The following HECW2 variants were observed in gnomAD, a reference collection of about 807,000 sequenced individuals.
HECW2 encodes the protein E3 ubiquitin-protein ligase HECW2.
In HECW2, 61 loss-of-function variants were observed where a neutral mutation model predicts 175.2. That is an observed-to-expected ratio of 0.35 (90% CI 0.28 to 0.43). HECW2 has a LOEUF of 0.43. Among genes scored for constraint, HECW2 ranks in the 20% least tolerant of loss-of-function variants. HECW2 has a pLI of 1.00. For synonymous variants in HECW2, 671 were observed against 731.0 expected (o/e 0.92, Z 1.32); for missense variants, 1,524 against 2,000.5 (o/e 0.76, Z 4.54).
At position 196,343,718 on chromosome 2, in the gene HECW2, C is replaced by T. The variant is rs1322279223; in HGVS notation, c.339G>A (p.Val113=). 1 of 1,613,900 alleles carries T rather than the reference C, an allele frequency of 6.2e-7. No homozygotes were observed. Among genetic ancestry groups the T allele is most frequent in the South Asian group, 1.1e-5 (1 of 91,074 alleles). The stretch of plus-strand genomic sequence containing the variant: ...CAATTTGCCCTTTTTGTGTTCCAGT[C>T]ACACCCCTGTTCTTAGAATCCCAGA... ...ANFWDSKNRG[V]TGTQKGQIVW... is the part of the protein sequence containing the mutation. Residue 113 remains valine, a synonymous_variant, in exon 3 of 29, where the codon GTG becomes GTA. Coordinates refer to ENST00000644978, the MANE Select transcript of HECW2 (RefSeq NM_001348768.2).
intron 28 of HECW2, among the ~76,000 whole-genome samples, chr2:196,202,091 C>G (rs990446937): frequency 6.6e-6 from 1 of 152,032 alleles, no homozygotes; most frequent in Non-Finnish European, 1.5e-5. Flanking sequence ...ATCTGAATCA[C>G]AATAAAAAAT....
At chr2:196,215,365 T>A (rs1687438838) in intron 28 of HECW2, among the ~76,000 whole-genome samples, 1 of 152,246 alleles carries the variant, frequency 6.6e-6, no homozygotes. Flanking sequence ...AGCATTTTTT[T>A]TCTATTCTAA....
intron 28 of HECW2, among the ~76,000 whole-genome samples, chr2:196,202,623 TCAA>T (rs1038753214): frequency 6.6e-6 from 1 of 152,182 alleles, no homozygotes; most frequent in African/African-American, 2.4e-5. Flanking sequence ...TTCATTACTA[TCAA>T]CAAGATTTGA....
rs759942545 is a variant in HECW2, at chr2:196,318,937, C to A, written c.1953G>T (p.Thr651=). 2.5e-6 allele frequency: 4 copies of A among 1,604,814 alleles called. No individual in the cohort carries two copies. Among genetic ancestry groups the A allele is most frequent in the Non-Finnish European group, 3.4e-6 (4 of 1,175,524 alleles). Residue 651 remains threonine (T), a synonymous_variant, in exon 9 of 29, where the codon ACG becomes ACT. Transcript: ENST00000644978. ...ADSSCNESVT[T]QLSSVDTRCS... is the part of the protein sequence containing the mutation. ...ACCGTGTGTCCACAGAGGACAGCTG[C>A]GTGGTCACACTCTCATTGCAGGAGC...
chr2:196,204,899 C>G (rs945136764), intron 28 of HECW2, among the ~76,000 whole-genome samples: 2 of 152,150 alleles, frequency 1.3e-5, no homozygotes, highest in African/African-American at 2.4e-5. Context: ...TTGAATGTCT[C>G]TTTGCCATTT....
intron 10 of HECW2, among the ~76,000 whole-genome samples, chr2:196,314,045 C>T (rs1040625764): frequency 2.0e-5 from 3 of 152,212 alleles, no homozygotes; most frequent in African/African-American, 7.2e-5. Context: ...AAAGCTCAAA[C>T]TACACTGCTT....
chr2:196,361,746 CA>C, intron 2 of HECW2: 1 of 966,142 alleles, frequency 1.0e-6, no homozygotes, highest in African/African-American at 1.8e-5. Context: ...CTGTAAATCC[CA>C]AACAGCTGGA....
rs183170457 is a variant in HECW2 at position 196,465,515 on chromosome 2, C to T, written c.-35-32057G>A. 2.3e-4 allele frequency among the ~76,000 whole-genome samples: 35 copies of T among 152,104 alleles called. No individual in the cohort carries two copies. In the East Asian group the frequency reaches 6.0e-3, roughly 26 times the overall value. ...CCTAGGACAATTTGGGCCCAGCTTA[C>T]ATCATGATTTTTAGGGTGCTCTTGA... is the stretch of plus-strand genomic sequence containing the variant. On this transcript the variant is annotated intron_variant, in intron 1 of 28. Coordinates refer to ENST00000644978, the MANE Select transcript of HECW2 (RefSeq NM_001348768.2).
chr2:196,409,651 C>T (rs537092176), intron 2 of HECW2, among the ~76,000 whole-genome samples: 2 of 152,154 alleles, frequency 1.3e-5, no homozygotes, highest in Non-Finnish European at 2.9e-5. Flanking sequence ...CTGACTCAAG[C>T]GTTACATTTA....
intron 1 of HECW2, among the ~76,000 whole-genome samples, chr2:196,590,724 C>T (rs772441294): frequency 2.6e-5 from 4 of 152,220 alleles, no homozygotes; most frequent in Non-Finnish European, 5.9e-5. Flanking sequence ...AAAACACATT[C>T]ATCTAGGAGA....
chr2:196,311,449 C>A (rs1291805473), intron 10 of HECW2, among the ~76,000 whole-genome samples: 1 of 152,164 alleles, frequency 6.6e-6, no homozygotes, highest in Non-Finnish European at 1.5e-5. Context: ...TGAACAAACC[C>A]ATGAGGCAAA....
At chr2:196,450,554 T>TA (rs1447476709) in intron 1 of HECW2, among the ~76,000 whole-genome samples, 2 of 149,660 alleles carry the variant, frequency 1.3e-5, no homozygotes, top group Non-Finnish European at 3.0e-5. Flanking sequence ...TACAATGGCA[T>TA]AATCTTGGCT....
At chr2:196,378,551 ATAAAAG>A (rs1310412049) in intron 2 of HECW2, among the ~76,000 whole-genome samples, 1 of 152,256 alleles carries the variant, frequency 6.6e-6, no homozygotes, top group Non-Finnish European at 1.5e-5. Context: ...CCTAAATAAA[ATAAAAG>A]TAAAACTCAT....
intron 3 of HECW2, among the ~76,000 whole-genome samples, chr2:196,337,278 G>T (rs1692582249): frequency 6.6e-6 from 1 of 151,622 alleles, no homozygotes; most frequent in African/African-American, 2.4e-5. Context: ...GGCTTCTGTT[G>T]CACCTACAAT....
Position 196,322,487 on chromosome 2 carries a change from T to A in HECW2, c.875A>T (p.Gln292Leu). 6.2e-7 allele frequency: 1 copy of A among 1,613,672 alleles called. No homozygotes were observed. Among genetic ancestry groups the A allele is most frequent in the Non-Finnish European group, 8.5e-7 (1 of 1,179,812 alleles). ...GGTAAGGGCTGATTACCCGATGGCTTGTCGCTCCAGCAGCCTCTGGACTGG... is the reference window on the plus strand; with the variant it reads ...GGTAAGGGCTGATTACCCGATGGCTAGTCGCTCCAGCAGCCTCTGGACTGG... ...TIPVQRLLER[Q>L]AIGDQMLSYN... The change falls in exon 7 of 29, where the codon CAA becomes CTA. Residue 292 changes from glutamine (Q) to leucine (L), a missense_variant. Transcript: ENST00000644978.
At chr2:196,251,399 T>C (rs1263884200) in intron 19 of HECW2, among the ~76,000 whole-genome samples, 1 of 152,212 alleles carries the variant, frequency 6.6e-6, no homozygotes, top group Non-Finnish European at 1.5e-5. Context: ...TAGTCTATAC[T>C]CTAGGTTCCA....
At chr2:196,531,066 A>G (rs139763967) in intron 1 of HECW2, among the ~76,000 whole-genome samples, 1 of 152,186 alleles carries the variant, frequency 6.6e-6, no homozygotes, top group Non-Finnish European at 1.5e-5. Flanking sequence ...TATGTATTCT[A>G]ATAGCAGACT....
At chr2:196,493,706 G>A (rs1475479832) in intron 1 of HECW2, among the ~76,000 whole-genome samples, 2 of 152,144 alleles carry the variant, frequency 1.3e-5, no homozygotes, top group Non-Finnish European at 2.9e-5. Context: ...ATATTTCCCA[G>A]GTCCTCTGAA....
intron 1 of HECW2, among the ~76,000 whole-genome samples, chr2:196,561,601 G>A (rs781369443): frequency 1.6e-4 from 24 of 152,088 alleles, no homozygotes; most frequent in Admixed American, 4.6e-4. Flanking sequence ...TGTCTCCCCC[G>A]GCCACCTAGC....
Sources: gnomAD v4.1 joint callset for allele counts (sites outside exome capture counted in the v4.1 genomes callset) on GRCh38, gnomAD v4.1.1 for gene constraint, MANE v1.5 for transcripts, NCBI Gene and HGNC (gene_info 2026-07-23, HGNC 2026-07-21) for gene names.